The following GARIN2 variants were observed in gnomAD, a reference collection of about 807,000 sequenced individuals.
The protein encoded by GARIN2 is golgi associated RAB2 interactor family member 2.
chr14:67,213,449 A>T, the GARIN2 span, among the ~76,000 whole-genome samples: 1 of 149,832 alleles, frequency 6.7e-6, no homozygotes, highest in Non-Finnish European at 1.5e-5. Flanking sequence ...TTTACTGAGA[A>T]TGATGATTTC....
chr14:67,207,337 G>A, the GARIN2 span, among the ~76,000 whole-genome samples: 143 of 151,980 alleles, frequency 9.4e-4, no homozygotes, highest in Middle Eastern at 3.4e-3. Flanking sequence ...CAGAGAGAGA[G>A]CAAAAGAGAG....
chr14:67,213,070 G>GGGAT, the GARIN2 span, among the ~76,000 whole-genome samples: 1 of 150,570 alleles, frequency 6.6e-6, no homozygotes, highest in African/African-American at 2.5e-5. Flanking sequence ...CATAAGCTTG[G>GGGAT]GGATGGGGCA....
At chr14:67,199,874 G>A in the GARIN2 span, 4 of 1,493,422 alleles carry the variant, frequency 2.7e-6, no homozygotes, top group East Asian at 6.8e-5. Flanking sequence ...GGGGCTGCAG[G>A]ACATGGCCCC....
chr14:67,199,282 G>A, the GARIN2 span: 3 of 1,603,404 alleles, frequency 1.9e-6, no homozygotes, highest in African/African-American at 4.0e-5. Flanking sequence ...TTAAGATCAT[G>A]AACATGATCA....
chr14:67,199,966 C>T, the GARIN2 span: 1 of 1,230,372 alleles, frequency 8.1e-7, no homozygotes, highest in East Asian at 2.5e-5. Context: ...AGGAGTGCCC[C>T]ATCCAGGGAT....
chr14:67,222,566 A>G, the GARIN2 span, among the ~76,000 whole-genome samples: 32,686 of 151,996 alleles, frequency 0.22, 5,372 homozygotes, highest in East Asian at 0.45. Flanking sequence ...GTGAGCCACC[A>G]CCCTGGACCT....
chr14:67,199,050 A>T, the GARIN2 span: 1 of 754,764 alleles, frequency 1.3e-6, no homozygotes, highest in Non-Finnish European at 2.4e-6. Context: ...GGATGGCAGG[A>T]GCTCTTTTGC....
chr14:67,221,309 G>C, the GARIN2 span, among the ~76,000 whole-genome samples: 3 of 152,202 alleles, frequency 2.0e-5, no homozygotes, highest in East Asian at 3.9e-4. Context: ...TGGTAAAGAA[G>C]CTACCAGAAG....
At chr14:67,206,979 C>A in the GARIN2 span, among the ~76,000 whole-genome samples, 1 of 152,076 alleles carries the variant, frequency 6.6e-6, no homozygotes, top group Non-Finnish European at 1.5e-5. Flanking sequence ...ATCCACCCAC[C>A]TTGGCAAGCA....
the GARIN2 span, among the ~76,000 whole-genome samples, chr14:67,206,426 G>A: frequency 6.6e-6 from 1 of 152,074 alleles, no homozygotes. Flanking sequence ...AAACCGGGAG[G>A]TGGAGGTTGC....
chr14:67,206,776 G>C, the GARIN2 span, among the ~76,000 whole-genome samples: 1 of 151,960 alleles, frequency 6.6e-6, no homozygotes, highest in Non-Finnish European at 1.5e-5. Flanking sequence ...CGTTGCCCAG[G>C]CTGGAGTGCA....
the GARIN2 span, among the ~76,000 whole-genome samples, chr14:67,210,577 T>C: frequency 6.6e-6 from 1 of 152,166 alleles, no homozygotes; most frequent in East Asian, 1.9e-4. Flanking sequence ...TAGTTGATGA[T>C]AAAAGGAATA....
the GARIN2 span, among the ~76,000 whole-genome samples, chr14:67,214,306 G>A: frequency 1.1e-3 from 168 of 152,212 alleles, no homozygotes; most frequent in African/African-American, 3.7e-3. Flanking sequence ...TAGGTCTAAC[G>A]TTTAAGTCTT....
chr14:67,193,120 C>A, the GARIN2 span, among the ~76,000 whole-genome samples: 1 of 143,014 alleles, frequency 7.0e-6, no homozygotes. Flanking sequence ...AGATATCTCT[C>A]TATATATCTC....
chr14:67,200,002 G>C, the GARIN2 span: 1 of 1,021,424 alleles, frequency 9.8e-7, no homozygotes, highest in Non-Finnish European at 1.4e-6. Context: ...GGCACACCAT[G>C]GACCTCATGG....
At chr14:67,227,435 G>A in the GARIN2 span, 2 of 127,084 alleles carry the variant, frequency 1.6e-5, no homozygotes, top group Non-Finnish European at 3.1e-5. Context: ...GTAAGATGCT[G>A]TCTCAAAAAA....
chr14:67,223,294 C>T, the GARIN2 span, among the ~76,000 whole-genome samples: 1 of 152,150 alleles, frequency 6.6e-6, no homozygotes, highest in East Asian at 1.9e-4. Flanking sequence ...GCCACTGCGC[C>T]TGGCCCCCAT....
the GARIN2 span, among the ~76,000 whole-genome samples, chr14:67,211,766 G>A: frequency 2.6e-5 from 4 of 152,114 alleles, no homozygotes; most frequent in African/African-American, 9.7e-5. Flanking sequence ...GGTCACTTGA[G>A]CCTAGGAGTT....
the GARIN2 span, among the ~76,000 whole-genome samples, chr14:67,214,601 G>A: frequency 7.2e-5 from 11 of 151,980 alleles, no homozygotes; most frequent in Non-Finnish European, 1.6e-4. Context: ...AGGTAGCGTG[G>A]TGCCTCCAGC....
Sources: allele counts gnomAD v4.1 joint callset (sites outside exome capture counted in the v4.1 genomes callset), GRCh38; gene constraint gnomAD v4.1.1; transcripts MANE v1.5; gene names NCBI Gene and HGNC (gene_info 2026-07-23, HGNC 2026-07-21).